GALNTL6: variants seen among roughly 807,000 people sequenced by gnomAD.
GALNTL6 encodes the protein polypeptide N-acetylgalactosaminyltransferase like 6, also known as polypeptide N-acetylgalactosaminyltransferase-like 6.
In GALNTL6, 46 loss-of-function variants were observed where a neutral mutation model predicts 73.7. The ratio of observed to expected loss-of-function variants is 0.62; its 90% CI spans 0.49 to 0.80. The LOEUF (loss-of-function observed/expected upper bound fraction) is 0.80. Among genes scored for constraint, GALNTL6 ranks in the 30% least tolerant of loss-of-function variants. The pLI is 0.00. For missense variants in GALNTL6, 604 were observed against 755.0 expected, an observed-to-expected ratio of 0.80 and a Z score of 2.34; for synonymous variants, 259 against 263.7, an observed-to-expected ratio of 0.98 and a Z score of 0.17.
intron 2 of GALNTL6, among the ~76,000 whole-genome samples, chr4:172,054,022 G>A (rs1344533190): frequency 6.6e-6 from 1 of 151,900 alleles, no homozygotes; most frequent in Non-Finnish European, 1.5e-5. Context: ...TCATAGTTAA[G>A]CAAAATGTTA....
intron 2 of GALNTL6, among the ~76,000 whole-genome samples, chr4:171,910,125 T>G (rs1233713466): frequency 3.3e-5 from 5 of 152,146 alleles, no homozygotes; most frequent in Admixed American, 2.0e-4. Context: ...GCATAAAGCT[T>G]TTTAGTAATC....
At chr4:172,872,528 A>T (rs1236928699) in intron 7 of GALNTL6, among the ~76,000 whole-genome samples, 1 of 152,236 alleles carries the variant, frequency 6.6e-6, no homozygotes, top group Admixed American at 6.5e-5. Context: ...ATGTAGTGAG[A>T]CTTTAAATAA....
Position 172,245,452 on chromosome 4 carries a change from G to T in GALNTL6, c.247+15688G>T, listed in dbSNP as rs566406636. On this transcript the variant is annotated intron_variant, in intron 3 of 12. Transcript: ENST00000506823. ...ACTAATGTAGCATGTATATCAACACGTTCTCAGAAGAAGAGTAAGAACTAA... is the reference window on the plus strand; with the variant it reads ...ACTAATGTAGCATGTATATCAACACTTTCTCAGAAGAAGAGTAAGAACTAA... 2.0e-5 allele frequency among the ~76,000 whole-genome samples: 3 copies of T among 152,244 alleles called. No individual in the cohort carries two copies. The East Asian group carries it at 5.8e-4, about 29-fold the overall frequency.
chr4:173,026,231 C>T (rs1197132363), intron 12 of GALNTL6, among the ~76,000 whole-genome samples: 1 of 152,126 alleles, frequency 6.6e-6, no homozygotes, highest in Admixed American at 6.5e-5. Context: ...GAGGAGATAT[C>T]AGAGCCAATA....
At chr4:172,913,456 G>A (rs1389814348) in intron 8 of GALNTL6, among the ~76,000 whole-genome samples, 1 of 152,150 alleles carries the variant, frequency 6.6e-6, no homozygotes, top group African/African-American at 2.4e-5. Context: ...GCTAAAGGAG[G>A]ATGTTCGAGC....
chr4:172,792,344 C>CAT (rs1193601128), intron 5 of GALNTL6, among the ~76,000 whole-genome samples: 1 of 50,796 alleles, frequency 2.0e-5, no homozygotes, highest in Non-Finnish European at 4.2e-5. Context: ...TATATATATA[C>CAT]ACGTGTGTAC....
At chr4:172,404,198 C>G (rs1441661044) in intron 5 of GALNTL6, among the ~76,000 whole-genome samples, 1 of 151,828 alleles carries the variant, frequency 6.6e-6, no homozygotes, top group Non-Finnish European at 1.5e-5. Context: ...CTATAGTTAA[C>G]TGAATGTCTT....
intron 5 of GALNTL6, among the ~76,000 whole-genome samples, chr4:172,426,591 C>G (rs1731238650): frequency 6.6e-6 from 1 of 152,062 alleles, no homozygotes; most frequent in African/African-American, 2.4e-5. Context: ...AAGAGAGATG[C>G]TGAACAGAAC....
rs1235651247 is a variant in GALNTL6, at chr4:172,229,629, A to G, written c.139-27A>G. ...ATGCAAAAGGAAATACCTCCTTTTT[A>G]TGCTTGAATACTTTCCTTTTCCACA... On this transcript the variant is annotated intron_variant, in intron 2 of 12. Coordinates refer to ENST00000506823, the MANE Select transcript of GALNTL6 (RefSeq NM_001034845.3). The G allele has an allele frequency of 4.1e-6, 6 of 1,464,090 alleles. No individual in the cohort carries two copies. The African/African-American group carries it at 8.4e-5, about 20-fold the overall frequency. The allele number at this position is 1,464,090 out of a possible 1,614,324, so 90.7% of individuals were successfully genotyped here. A position where few individuals can be genotyped will look rare whatever the true frequency, so the allele number is the denominator to read the frequency against.
chr4:171,821,640 G>GAT (rs3080305), intron 2 of GALNTL6, among the ~76,000 whole-genome samples: 15,473 of 145,682 alleles, frequency 0.11, 927 homozygotes, highest in South Asian at 0.21. Context: ...AGGCTTAACG[G>GAT]ATATATATAT....
At chr4:172,455,824 T>A (rs1732377990) in intron 5 of GALNTL6, among the ~76,000 whole-genome samples, 1 of 152,204 alleles carries the variant, frequency 6.6e-6, no homozygotes, top group Admixed American at 6.5e-5. Flanking sequence ...GGAATAGATC[T>A]CCCAGCACAG....
At chr4:171,951,351 T>G (rs1004127502) in intron 2 of GALNTL6, among the ~76,000 whole-genome samples, 11 of 152,084 alleles carry the variant, frequency 7.2e-5, no homozygotes, top group Non-Finnish European at 1.3e-4. Context: ...CTTATAAATA[T>G]TGTAATGTTT....
At chr4:171,949,768 AAGAC>A (rs1738814202) in intron 2 of GALNTL6, among the ~76,000 whole-genome samples, 1 of 152,204 alleles carries the variant, frequency 6.6e-6, no homozygotes, top group African/African-American at 2.4e-5. Flanking sequence ...TTGGTGAAGA[AAGAC>A]AGTAAATGAA....
At chr4:172,780,995 G>A (rs1285402798) in intron 5 of GALNTL6, among the ~76,000 whole-genome samples, 1 of 152,182 alleles carries the variant, frequency 6.6e-6, no homozygotes, top group Non-Finnish European at 1.5e-5. Flanking sequence ...TTTGCCATTT[G>A]TCAGTAGGAA....
chr4:171,878,823 A>G (rs192630838), intron 2 of GALNTL6, among the ~76,000 whole-genome samples: 2 of 152,238 alleles, frequency 1.3e-5, no homozygotes, highest in Admixed American at 1.3e-4. Context: ...GTTTAACACC[A>G]TTCTCCTTGG....
At chr4:172,429,170 G>A (rs373705166) in intron 5 of GALNTL6, among the ~76,000 whole-genome samples, 3 of 53,200 alleles carry the variant, frequency 5.6e-5, no homozygotes, top group Non-Finnish European at 1.5e-4. Flanking sequence ...ATTTTATTTT[G>A]TTTTATTATT....
chr4:172,648,901 G>T (rs1253211645), intron 5 of GALNTL6, among the ~76,000 whole-genome samples: 1 of 152,100 alleles, frequency 6.6e-6, no homozygotes, highest in Non-Finnish European at 1.5e-5. Context: ...TGTGAATGGG[G>T]CTGTCCCTTA....
chr4:172,408,741 C>T (rs544999945), intron 5 of GALNTL6, among the ~76,000 whole-genome samples: 1 of 151,980 alleles, frequency 6.6e-6, no homozygotes, highest in South Asian at 2.1e-4. Flanking sequence ...TTAGTAGAAA[C>T]TGTGGGTGGA....
At chr4:172,136,497 G>C (rs1397953670) in intron 2 of GALNTL6, among the ~76,000 whole-genome samples, 1 of 151,920 alleles carries the variant, frequency 6.6e-6, no homozygotes, top group South Asian at 2.1e-4. Flanking sequence ...TAATCCCACA[G>C]ATTCATAATT....
Sources: allele counts gnomAD v4.1 joint callset (sites outside exome capture counted in the v4.1 genomes callset), GRCh38; gene constraint gnomAD v4.1.1; transcripts MANE v1.5; gene names NCBI Gene and HGNC (gene_info 2026-07-23, HGNC 2026-07-21).